Variants in DSTN observed in about 807,000 individuals in gnomAD.
DSTN encodes the protein destrin.
In DSTN, 10 loss-of-function variants were observed where a neutral mutation model predicts 16.8. The observed-to-expected ratio is 0.60, with a 90% CI of 0.37 to 1.01. The LOEUF (loss-of-function observed/expected upper bound fraction) is 1.01, where lower values mean the gene tolerates loss of function less well. Ranked by LOEUF, DSTN falls within the 50% of genes least tolerant of loss-of-function variation. The probability of loss-of-function intolerance (pLI) is 0.01; values close to 1 mark genes in which losing one functional copy is unlikely to be tolerated. For synonymous variants in DSTN, 57 were observed against 58.9 expected, an observed-to-expected ratio of 0.97 and a Z score of 0.14; for missense variants, 141 against 196.7, an observed-to-expected ratio of 0.72 and a Z score of 1.69.
At chr20:17,599,200 G>A (rs754623921) in intron 1 of DSTN, 2 of 152,280 alleles carry the variant, frequency 1.3e-5, no homozygotes, top group Non-Finnish European at 2.9e-5. Context: ...GGCCAAGGCA[G>A]GAGGACTGCC....
At position 17,608,546 on chromosome 20, in the gene DSTN, CTT is replaced by C. The variant is rs2035665687; in HGVS notation, c.*1401_*1402del. 1 of 150,818 alleles carries C rather than the reference CTT, an allele frequency of 6.6e-6. No homozygotes were observed. Among genetic ancestry groups the C allele is most frequent in the African/African-American group, 2.4e-5 (1 of 40,938 alleles). 9.3% of individuals were successfully genotyped at this position (150,818 alleles called of 1,614,324 possible). A position where few individuals can be genotyped will look rare whatever the true frequency, so the allele number is the denominator to read the frequency against. ...TTTGGATGCTGAGGTGGGAGGATCA[CTT>C]GAGCCCAGGAGGTGAGCTGAGATCG... is the stretch of plus-strand genomic sequence containing the variant. On this transcript the variant is annotated 3_prime_UTR_variant, in exon 4 of 4. Coordinates refer to ENST00000246069, the MANE Select transcript of DSTN (RefSeq NM_006870.4).
chr20:17,598,699 G>C (rs1017023202), intron 1 of DSTN, among the ~76,000 whole-genome samples: 6 of 151,878 alleles, frequency 4.0e-5, no homozygotes, highest in African/African-American at 1.2e-4. Context: ...TGACATTTGG[G>C]TATCATTAAT....
chr20:17,584,640 G>A (rs1012169976), intron 1 of DSTN, among the ~76,000 whole-genome samples: 19 of 120,772 alleles, frequency 1.6e-4, no homozygotes, highest in South Asian at 2.6e-4. Context: ...CAACAAGAAC[G>A]AAACTCCGTC....
chr20:17,606,427 C>T (rs1278109175), intron 3 of DSTN, among the ~76,000 whole-genome samples: 1 of 152,124 alleles, frequency 6.6e-6, no homozygotes, highest in Admixed American at 6.5e-5. Context: ...AGTGTAATAC[C>T]ATTGAAGAGC....
chr20:17,587,084 C>T (rs565806202), intron 1 of DSTN, among the ~76,000 whole-genome samples: 3 of 152,048 alleles, frequency 2.0e-5, no homozygotes, highest in African/African-American at 7.2e-5. Context: ...AGAAATAGCC[C>T]TGTGTGTAGT....
chr20:17,582,686 G>GT (rs1443483910), intron 1 of DSTN, among the ~76,000 whole-genome samples: 1 of 152,166 alleles, frequency 6.6e-6, no homozygotes, highest in East Asian at 1.9e-4. Flanking sequence ...GCTTCATACT[G>GT]TATGTTGTAT....
chr20:17,571,966 G>T (rs117588294), intron 1 of DSTN, among the ~76,000 whole-genome samples: 72 of 152,244 alleles, frequency 4.7e-4, no homozygotes, highest in Non-Finnish European at 8.4e-4. Flanking sequence ...TCAGATTATA[G>T]ACCCCCCATT....
intron 1 of DSTN, among the ~76,000 whole-genome samples, chr20:17,597,556 A>G (rs569524296): frequency 6.6e-5 from 10 of 152,358 alleles, no homozygotes; most frequent in African/African-American, 2.4e-4. Context: ...TAGGGTATCC[A>G]TCACCCGAAT....
intron 1 of DSTN, among the ~76,000 whole-genome samples, chr20:17,599,085 A>G (rs2035558301): frequency 6.6e-6 from 1 of 152,246 alleles, no homozygotes; most frequent in Non-Finnish European, 1.5e-5. Context: ...TGATGAATAG[A>G]TAAGGAAAAT....
chr20:17,589,485 G>A (rs80086079), intron 1 of DSTN, among the ~76,000 whole-genome samples: 3,450 of 152,316 alleles, frequency 0.023, 116 homozygotes, highest in African/African-American at 0.078. Context: ...GATTACAGGC[G>A]TGAGCCGCAG....
At chr20:17,584,773 G>A (rs1442261757) in intron 1 of DSTN, among the ~76,000 whole-genome samples, 1 of 151,734 alleles carries the variant, frequency 6.6e-6, no homozygotes, top group East Asian at 1.9e-4. Flanking sequence ...TTTTTCTTCT[G>A]TACTGTTTTT....
intron 1 of DSTN, among the ~76,000 whole-genome samples, chr20:17,590,712 AG>A (rs1339874787): frequency 1.7e-4 from 26 of 152,254 alleles, no homozygotes; most frequent in African/African-American, 6.0e-4. Flanking sequence ...AGTAACTCTT[AG>A]AAAATTTTTT....
rs1023556482 is a variant in DSTN, at chr20:17,570,123, C to T, written c.-86C>T. On this transcript the variant is annotated 5_prime_UTR_variant, in exon 1 of 4. Transcript: ENST00000246069. ...CGCGTCAGCTCAGCGCTGGGTCTCT[C>T]GGTCCCGCAGCCGTGAGGAGGACGG... 7.3e-6 allele frequency: 11 copies of T among 1,505,400 alleles called. No individual in the cohort carries two copies. The African/African-American group carries it at 8.7e-5, about 12-fold the overall frequency. The allele number at this position is 1,505,400 out of a possible 1,614,324, so 93.3% of individuals were successfully genotyped here. A position where few individuals can be genotyped will look rare whatever the true frequency, so the allele number is the denominator to read the frequency against.
At chr20:17,584,411 A>T (rs1392043006) in intron 1 of DSTN, among the ~76,000 whole-genome samples, 1 of 152,162 alleles carries the variant, frequency 6.6e-6, no homozygotes, top group African/African-American at 2.4e-5. Context: ...GCACTTTGGG[A>T]GGCTGAGGCA....
intron 1 of DSTN, among the ~76,000 whole-genome samples, chr20:17,593,450 G>A (rs2035492957): frequency 6.6e-6 from 1 of 151,882 alleles, no homozygotes; most frequent in Non-Finnish European, 1.5e-5. Context: ...TTAAGAACTT[G>A]TGGCCTTAAG....
At chr20:17,571,819 A>G (rs904623188) in intron 1 of DSTN, among the ~76,000 whole-genome samples, 1 of 152,212 alleles carries the variant, frequency 6.6e-6, no homozygotes, top group Admixed American at 6.5e-5. Flanking sequence ...AAATTCAAGG[A>G]AGGAAGGGTC....
intron 1 of DSTN, among the ~76,000 whole-genome samples, chr20:17,572,365 C>G (rs2035216591): frequency 1.3e-5 from 2 of 152,190 alleles, no homozygotes; most frequent in East Asian, 3.8e-4. Flanking sequence ...GTGTGCCAGC[C>G]TCCTTATACA....
intron 1 of DSTN, among the ~76,000 whole-genome samples, chr20:17,578,937 GACA>G (rs1284828390): frequency 8.7e-6 from 1 of 114,376 alleles, no homozygotes; most frequent in East Asian, 3.1e-4. Flanking sequence ...CTCCAGCCTG[GACA>G]ACAAGAGCGA....
chr20:17,570,358 G>C (rs186523520), intron 1 of DSTN, 147 bp downstream of exon 1: 4 of 1,164,572 alleles, frequency 3.4e-6, no homozygotes, highest in African/African-American at 3.3e-5. Context: ...CTGCGGGTGA[G>C]GGGGGGTCTC....
Sources: allele counts gnomAD v4.1 joint callset (sites outside exome capture counted in the v4.1 genomes callset), GRCh38; gene constraint gnomAD v4.1.1; transcripts MANE v1.5; gene names NCBI Gene and HGNC (gene_info 2026-07-23, HGNC 2026-07-21).